The following PEBP4 variants were observed in gnomAD, a reference collection of about 807,000 sequenced individuals.
PEBP4 encodes the protein phosphatidylethanolamine binding protein 4.
Under a neutral mutation model 23.9 loss-of-function variants are expected in PEBP4, and 22 were observed. The ratio of observed to expected loss-of-function variants is 0.92; its 90% CI spans 0.66 to 1.31. The LOEUF is 1.31. Ranked by LOEUF, PEBP4 falls within the 40% of genes most tolerant of loss-of-function variation. The pLI, the probability that PEBP4 is intolerant of heterozygous loss-of-function variation, is 0.00. For synonymous variants in PEBP4, 112 were observed against 99.3 expected (o/e 1.13, Z -0.76); for missense variants, 324 against 281.7 (o/e 1.15, Z -1.07).
Position 22,715,410 on chromosome 8 carries a change from G to T in PEBP4, c.518-1874C>A, listed in dbSNP as rs537228011. On this transcript the variant is annotated intron_variant, in intron 6 of 6. Transcript: ENST00000256404. The stretch of plus-strand genomic sequence containing the variant: ...AGTGTGTGCACACACATGTGTATGT[G>T]TGGGTGCACGTGTGTGTGCGCACGC... 1.0e-3 allele frequency among the ~76,000 whole-genome samples: 153 copies of T among 148,676 alleles called. 1 individual carries two copies. The highest frequency in any genetic ancestry group is 3.6e-3 in the African/African-American group (147 of 40,928).
At chr8:22,883,513 A>T (rs1225596772) in intron 3 of PEBP4, among the ~76,000 whole-genome samples, 2 of 137,432 alleles carry the variant, frequency 1.5e-5, no homozygotes, top group East Asian at 2.0e-4. Flanking sequence ...CTGCACACTT[A>T]AAAAAAAAAA....
chr8:22,792,458 C>T lies in PEBP4; in HGVS notation c.357+25179G>A, dbSNP rs1289954573. Among the ~76,000 whole-genome samples, 7 of 152,028 alleles carry T rather than the reference C, an allele frequency of 4.6e-5. No individual in the cohort carries two copies. The East Asian group carries it at 7.7e-4, about 17-fold the overall frequency. ...TTAGATCTTTACCCTACAGTGGTAT[C>T]GGTCCGTGTCCTTGGTCATATCCTT... is the stretch of plus-strand genomic sequence containing the variant. On this transcript the variant is annotated intron_variant, in intron 4 of 6. Transcript: ENST00000256404.
chr8:22,900,066 C>A (rs1808681703), intron 3 of PEBP4, among the ~76,000 whole-genome samples: 2 of 152,214 alleles, frequency 1.3e-5, no homozygotes, highest in South Asian at 2.1e-4. Context: ...CTTCAACTTT[C>A]TTGTCTGCAA....
At chr8:22,744,237 G>A (rs1171248218) in intron 4 of PEBP4, among the ~76,000 whole-genome samples, 1 of 152,244 alleles carries the variant, frequency 6.6e-6, no homozygotes, top group African/African-American at 2.4e-5. Flanking sequence ...TGCCCAGGGA[G>A]TCTTGGTGAC....
intron 3 of PEBP4, among the ~76,000 whole-genome samples, chr8:22,869,286 G>A (rs556566930): frequency 1.1e-3 from 166 of 152,248 alleles, no homozygotes; most frequent in Non-Finnish European, 1.9e-3. Context: ...GTTCCAGATC[G>A]CTGTATGGTA....
Position 22,844,251 on chromosome 8 carries a change from T to A in PEBP4, c.259-26516A>T, listed in dbSNP as rs569633771. Reference sequence around the variant, plus strand: ...CGGTTAGAAAATTTATTTATTTATTTATTTTGAGACAGAGTTTCACTTTTG... The same window carrying A: ...CGGTTAGAAAATTTATTTATTTATTAATTTTGAGACAGAGTTTCACTTTTG... On this transcript the variant is annotated intron_variant, in intron 3 of 6. Transcript: ENST00000256404. 2.6e-5 allele frequency among the ~76,000 whole-genome samples: 4 copies of A among 152,318 alleles called. No homozygotes were observed. The South Asian group carries it at 8.3e-4, about 32-fold the overall frequency.
intron 3 of PEBP4, among the ~76,000 whole-genome samples, chr8:22,875,471 C>T (rs1256445774): frequency 6.6e-6 from 1 of 152,158 alleles, no homozygotes; most frequent in Non-Finnish European, 1.5e-5. Flanking sequence ...TCTTCTCCCT[C>T]CTCCCACCTT....
chr8:22,919,299 T>A (rs1271432931), intron 3 of PEBP4, among the ~76,000 whole-genome samples: 8 of 152,118 alleles, frequency 5.3e-5, no homozygotes, highest in Non-Finnish European at 1.0e-4. Context: ...CTTGGTCACA[T>A]CCCGGCCACG....
At chr8:22,790,528 C>G (rs1320250391) in intron 4 of PEBP4, among the ~76,000 whole-genome samples, 1 of 152,160 alleles carries the variant, frequency 6.6e-6, no homozygotes, top group Non-Finnish European at 1.5e-5. Flanking sequence ...AACAGCTTAG[C>G]AGGGGCAGAA....
chr8:22,819,763 C>T (rs1245793140), intron 3 of PEBP4, among the ~76,000 whole-genome samples: 10 of 152,092 alleles, frequency 6.6e-5, no homozygotes, highest in African/African-American at 1.7e-4. Context: ...CCCGCCACCA[C>T]GCCCAGCTAA....
chr8:22,810,468 G>C (rs1333810734), intron 4 of PEBP4, among the ~76,000 whole-genome samples: 2 of 152,074 alleles, frequency 1.3e-5, no homozygotes, highest in African/African-American at 2.4e-5. Flanking sequence ...TCTGCTCAGG[G>C]GTGGGTGTCT....
chr8:22,760,232 C>G (rs942757835), intron 4 of PEBP4, among the ~76,000 whole-genome samples: 1 of 152,132 alleles, frequency 6.6e-6, no homozygotes, highest in Non-Finnish European at 1.5e-5. Context: ...GTTAAATCAC[C>G]TGCCCAAGGT....
At chr8:22,886,461 T>A (rs1451664208) in intron 3 of PEBP4, 1 of 152,226 alleles carries the variant, frequency 6.6e-6, no homozygotes, top group African/African-American at 2.4e-5. Context: ...CTGAAAACAA[T>A]GCCTGTCTCA....
At chr8:22,804,714 C>T (rs1468254989) in intron 4 of PEBP4, among the ~76,000 whole-genome samples, 3 of 152,126 alleles carry the variant, frequency 2.0e-5, no homozygotes, top group Non-Finnish European at 4.4e-5. Flanking sequence ...GATGCCTATG[C>T]TCCACCCCCA....
chr8:22,800,334 A>T (rs1806357553), intron 4 of PEBP4, among the ~76,000 whole-genome samples: 1 of 151,812 alleles, frequency 6.6e-6, no homozygotes, highest in African/African-American at 2.4e-5. Context: ...TCCGGTCCAC[A>T]CTCTGCACTG....
At chr8:22,723,099 C>T (rs1804552445) in intron 6 of PEBP4, among the ~76,000 whole-genome samples, 1 of 152,060 alleles carries the variant, frequency 6.6e-6, no homozygotes, top group Non-Finnish European at 1.5e-5. Context: ...CCATTTTAAA[C>T]CCTGTACAGA....
intron 2 of PEBP4, among the ~76,000 whole-genome samples, chr8:22,926,575 G>A (rs1033664797): frequency 6.6e-6 from 1 of 151,990 alleles, no homozygotes; most frequent in Non-Finnish European, 1.5e-5. Context: ...TCAAACCCCT[G>A]GGCTCAAGTG....
intron 3 of PEBP4, among the ~76,000 whole-genome samples, chr8:22,912,415 A>C (rs1470688543): frequency 6.6e-6 from 1 of 152,158 alleles, no homozygotes; most frequent in Non-Finnish European, 1.5e-5. Context: ...TGAATGACTG[A>C]ATGACACCCC....
intron 4 of PEBP4, among the ~76,000 whole-genome samples, chr8:22,778,706 C>T (rs138649031): frequency 4.2e-4 from 64 of 152,262 alleles, no homozygotes; most frequent in African/African-American, 1.4e-3. Context: ...CCCAGCAAAG[C>T]CTCCTGGGAG....
Sources: gnomAD v4.1 joint callset for allele counts (sites outside exome capture counted in the v4.1 genomes callset) on GRCh38, gnomAD v4.1.1 for gene constraint, MANE v1.5 for transcripts, NCBI Gene and HGNC (gene_info 2026-07-23, HGNC 2026-07-21) for gene names.